NKAIN3: variants seen among roughly 807,000 people sequenced by gnomAD.
The protein encoded by NKAIN3 is sodium/potassium-transporting ATPase subunit beta-1-interacting protein 3.
NKAIN3 carries 25 observed loss-of-function variants against 30.2 expected under a neutral mutation model. That is an observed-to-expected ratio of 0.83 (90% CI 0.60 to 1.16). The LOEUF (loss-of-function observed/expected upper bound fraction) is 1.16, where lower values mean the gene tolerates loss of function less well. NKAIN3 is among the 50% of genes most tolerant of loss of function. NKAIN3 has a pLI of 0.00. For missense variants in NKAIN3, 225 were observed against 254.1 expected (o/e 0.89, Z 0.78); for synonymous variants, 91 against 89.6 (o/e 1.02, Z -0.09).
At chr8:62,927,136 G>A (rs1045209086) in intron 5 of NKAIN3, among the ~76,000 whole-genome samples, 1 of 151,986 alleles carries the variant, frequency 6.6e-6, no homozygotes, top group Non-Finnish European at 1.5e-5. Context: ...CCACATCCCA[G>A]CTTCTCTGCA....
intron 5 of NKAIN3, among the ~76,000 whole-genome samples, chr8:62,931,808 T>C (rs1822626552): frequency 6.6e-6 from 1 of 152,210 alleles, no homozygotes; most frequent in Non-Finnish European, 1.5e-5. Flanking sequence ...TTAATAATTG[T>C]TAGCCCTTTA....
At chr8:62,266,503 C>A (rs548958233) in intron 1 of NKAIN3, among the ~76,000 whole-genome samples, 1 of 152,002 alleles carries the variant, frequency 6.6e-6, no homozygotes, top group Non-Finnish European at 1.5e-5. Context: ...CAGACATATT[C>A]GAGGGAAACG....
intron 4 of NKAIN3, among the ~76,000 whole-genome samples, chr8:62,761,381 A>G (rs1346868006): frequency 6.6e-6 from 1 of 152,130 alleles, no homozygotes; most frequent in Non-Finnish European, 1.5e-5. Flanking sequence ...TGCTCAGCTC[A>G]CACTTAGAGT....
chr8:62,611,429 C>T, intron 3 of NKAIN3, among the ~76,000 whole-genome samples: 1 of 152,068 alleles, frequency 6.6e-6, no homozygotes, highest in East Asian at 1.9e-4. Flanking sequence ...ACTCATTAAC[C>T]ATCCCCACTT....
intron 1 of NKAIN3, among the ~76,000 whole-genome samples, chr8:62,396,987 C>T (rs140280112): frequency 5.3e-4 from 81 of 152,224 alleles, no homozygotes; most frequent in African/African-American, 1.8e-3. Context: ...TTATTGTGCA[C>T]GACAGATGTA....
At chr8:62,640,434 C>T (rs749775370) in intron 3 of NKAIN3, among the ~76,000 whole-genome samples, 12 of 152,102 alleles carry the variant, frequency 7.9e-5, no homozygotes, top group Admixed American at 2.0e-4. Context: ...GAGGCCTCCC[C>T]AGGCATGAGG....
At chr8:62,815,451 C>T (rs1253151343) in intron 4 of NKAIN3, among the ~76,000 whole-genome samples, 2 of 152,158 alleles carry the variant, frequency 1.3e-5, no homozygotes, top group Non-Finnish European at 2.9e-5. Flanking sequence ...CCTTGATGAA[C>T]ATTGATGCAA....
intron 1 of NKAIN3, among the ~76,000 whole-genome samples, chr8:62,441,283 C>T (rs1805317110): frequency 1.3e-5 from 2 of 151,886 alleles, no homozygotes; most frequent in Non-Finnish European, 2.9e-5. Context: ...TTTCGGTATG[C>T]CTTCATATCT....
intron 4 of NKAIN3, among the ~76,000 whole-genome samples, chr8:62,868,510 C>A (rs1232323023): frequency 6.6e-6 from 1 of 152,156 alleles, no homozygotes; most frequent in African/African-American, 2.4e-5. Context: ...CTTGGATTAA[C>A]CCTCGACCTG....
chr8:62,391,295 T>A (rs1817577764), intron 1 of NKAIN3, among the ~76,000 whole-genome samples: 1 of 152,174 alleles, frequency 6.6e-6, no homozygotes, highest in South Asian at 2.1e-4. Flanking sequence ...CAAGTCTCCC[T>A]TGCAGCCTCA....
At chr8:62,829,602 C>A (rs1586244164) in intron 4 of NKAIN3, among the ~76,000 whole-genome samples, 1 of 152,120 alleles carries the variant, frequency 6.6e-6, no homozygotes, top group Admixed American at 6.5e-5. Flanking sequence ...ATAGATATGA[C>A]ATAAACAGAC....
At chr8:62,281,743 C>T (rs1813202038) in intron 1 of NKAIN3, among the ~76,000 whole-genome samples, 2 of 151,950 alleles carry the variant, frequency 1.3e-5, no homozygotes, top group Admixed American at 6.6e-5. Context: ...ATATATTAAG[C>T]ATGTATTTAT....
rs560950102 is a variant in NKAIN3, at chr8:62,291,318, A to C, written c.54+42191A>C. Among the ~76,000 whole-genome samples the C allele has an allele frequency of 4.6e-5, 7 of 152,062 alleles. No individual in the cohort carries two copies. In the East Asian group the frequency reaches 1.4e-3, roughly 29 times the overall value. On this transcript the variant is annotated intron_variant, in intron 1 of 6. Coordinates refer to ENST00000623646, the MANE Select transcript of NKAIN3 (RefSeq NM_001304533.3). ...TTGCTCTTGCTTCTCTAGTTCTTTC[A>C]ATTGTGATGTTAGGGTGTCAATTTT...
chr8:62,905,336 T>C (rs1366453496), intron 4 of NKAIN3, among the ~76,000 whole-genome samples: 3 of 152,150 alleles, frequency 2.0e-5, no homozygotes, highest in African/African-American at 7.2e-5. Flanking sequence ...TGGAAGTGGA[T>C]AGCAAGTGCA....
At chr8:62,417,508 A>G (rs1232209746) in intron 1 of NKAIN3, among the ~76,000 whole-genome samples, 4 of 152,298 alleles carry the variant, frequency 2.6e-5, no homozygotes, top group Admixed American at 1.3e-4. Context: ...TTGCTGGAAC[A>G]TACGGTAGCT....
chr8:62,271,697 G>A (rs896850409), intron 1 of NKAIN3, among the ~76,000 whole-genome samples: 9 of 152,208 alleles, frequency 5.9e-5, no homozygotes, highest in South Asian at 2.1e-4. Flanking sequence ...TTTTTTCCCC[G>A]TTTTAAAAAA....
At chr8:62,950,163 T>C (rs995754073) in intron 5 of NKAIN3, among the ~76,000 whole-genome samples, 13 of 152,336 alleles carry the variant, frequency 8.5e-5, no homozygotes, top group African/African-American at 2.9e-4. Context: ...TTTAAGTCTT[T>C]TGTTAAGTGT....
chr8:62,901,434 C>A (rs1563619276), intron 4 of NKAIN3, among the ~76,000 whole-genome samples: 1 of 152,100 alleles, frequency 6.6e-6, no homozygotes, highest in Admixed American at 6.6e-5. Context: ...GCAAAACACT[C>A]TATCTTAAGA....
intron 1 of NKAIN3, among the ~76,000 whole-genome samples, chr8:62,349,813 T>C (rs7842084): frequency 0.039 from 5,996 of 152,234 alleles, 419 homozygotes; most frequent in African/African-American, 0.14. Context: ...AAGGTAGATA[T>C]ATCAGACCTT....
Sources: allele counts gnomAD v4.1 joint callset (sites outside exome capture counted in the v4.1 genomes callset), GRCh38; gene constraint gnomAD v4.1.1; transcripts MANE v1.5; gene names NCBI Gene and HGNC (gene_info 2026-07-23, HGNC 2026-07-21).